CXXC5: variants seen among roughly 807,000 people sequenced by gnomAD.
The protein encoded by CXXC5 is CXXC finger protein 5, also known as CXXC-type zinc finger protein 5.
CXXC5 carries 2 observed loss-of-function variants against 17.6 expected under a neutral mutation model. The ratio of observed to expected loss-of-function variants is 0.11; its 90% CI spans 0.05 to 0.36. The LOEUF (loss-of-function observed/expected upper bound fraction) is 0.36. Among genes scored for constraint, CXXC5 ranks in the 10% least tolerant of loss-of-function variants. The probability of loss-of-function intolerance (pLI) is 1.00; values close to 1 mark genes in which losing one functional copy is unlikely to be tolerated. For synonymous variants in CXXC5, 171 were observed against 193.0 expected (o/e 0.89, Z 0.94); for missense variants, 343 against 458.3 (o/e 0.75, Z 2.30).
chr5:139,671,230 T>G (rs1756449454), intron 1 of CXXC5, among the ~76,000 whole-genome samples: 1 of 152,206 alleles, frequency 6.6e-6, no homozygotes, highest in East Asian at 1.9e-4. Flanking sequence ...ATGGGCTTGG[T>G]GGCTGCTGGC....
rs1236686110 is a variant in CXXC5 at position 139,668,485 on chromosome 5, CCAGGCCCGCTG to C, written c.-160-11877_-160-11867del. 6.6e-6 allele frequency among the ~76,000 whole-genome samples: 1 copy of C among 151,466 alleles called. No homozygotes were observed. Among genetic ancestry groups the C allele is most frequent in the Non-Finnish European group, 1.5e-5 (1 of 67,696 alleles). On this transcript the variant is annotated intron_variant, in intron 1 of 2. Transcript: ENST00000302517. This position sits in a 1 kb window ranked among gnomAD's most constrained non-coding sequence, Gnocchi z 4.1. ...CCTCCCGCGCCGCCCACTGCCCGCTCCAGGCCCGCTGCCCGCTCCAGGCCCGAGGTGATGGC... is the reference window on the plus strand; with the variant it reads ...CCTCCCGCGCCGCCCACTGCCCGCTCCCCGCTCCAGGCCCGAGGTGATGGC...
intron 1 of CXXC5, among the ~76,000 whole-genome samples, chr5:139,673,658 A>T (rs1561543560): frequency 2.6e-5 from 4 of 152,128 alleles, no homozygotes; most frequent in Admixed American, 2.6e-4. Flanking sequence ...CCTGACCAAC[A>T]TGGTGAAACT....
At chr5:139,651,866 T>TG (rs1053617055) in intron 1 of CXXC5, among the ~76,000 whole-genome samples, 16 of 152,010 alleles carry the variant, frequency 1.1e-4, no homozygotes, top group Non-Finnish European at 1.9e-4. Flanking sequence ...TGAACAAGAA[T>TG]GGGGGGGTTC....
At chr5:139,675,855 T>G (rs773074835) in intron 1 of CXXC5, among the ~76,000 whole-genome samples, 1 of 152,148 alleles carries the variant, frequency 6.6e-6, no homozygotes, top group East Asian at 1.9e-4. Flanking sequence ...TAAATGCTGG[T>G]TGATAGGATC....
intron 1 of CXXC5, among the ~76,000 whole-genome samples, chr5:139,673,427 C>T (rs1462145913): frequency 6.6e-6 from 1 of 152,174 alleles, no homozygotes; most frequent in African/African-American, 2.4e-5. Context: ...TCAGAGGCAT[C>T]CCAGGCATCT....
Position 139,680,550 on chromosome 5 carries a change from G to T in CXXC5, c.27G>T (p.Gln9His). Residue 9 changes from glutamine to histidine, a missense_variant, in exon 2 of 3, where the codon CAG becomes CAT. Physicochemically the swap from Gln to His is conservative, Grantham distance 24. Transcript: ENST00000302517. ...TGTCGAGCCTCGGCGGTGGCTCCCAGGATGCCGGCGGCAGTAGCAGCAGCA... is the reference window on the plus strand; with the variant it reads ...TGTCGAGCCTCGGCGGTGGCTCCCATGATGCCGGCGGCAGTAGCAGCAGCA... MSSLGGGS[Q>H]DAGGSSSSST... 1 of 1,572,238 alleles carries T rather than the reference G, an allele frequency of 6.4e-7. No individual in the cohort carries two copies. The highest frequency in any genetic ancestry group is 8.6e-7 in the Non-Finnish European group (1 of 1,159,924).
In CXXC5 at chr5:139,681,111, G is replaced by A; in HGVS notation, c.588G>A (p.Val196=). 1.9e-6 allele frequency: 3 copies of A among 1,612,710 alleles called. No homozygotes were observed. Among genetic ancestry groups the A allele is most frequent in the Non-Finnish European group, 1.7e-6 (2 of 1,179,958 alleles). The change falls in exon 2 of 3, where the codon GTG becomes GTA. Residue 196 remains valine, a synonymous_variant. Transcript: ENST00000302517. ...CTGGCCTGCCTGACATGGAGGCTGT[G>A]GCAGGTGCCGAAGCCCTCAATGGCC... is the stretch of plus-strand genomic sequence containing the variant. ...AGAGLPDMEA[V]AGAEALNGQS... is the part of the protein sequence containing the mutation.
chr5:139,649,602 T>C (rs542031183), intron 1 of CXXC5: 2 of 151,888 alleles, frequency 1.3e-5, no homozygotes, highest in South Asian at 4.2e-4. Context: ...TCCATCAAAG[T>C]ATCTCCCCCA....
At chr5:139,660,996 A>C (rs1020461835) in intron 1 of CXXC5, among the ~76,000 whole-genome samples, 4 of 152,132 alleles carry the variant, frequency 2.6e-5, no homozygotes, top group Non-Finnish European at 4.4e-5. Context: ...TCGATGAAAC[A>C]GGAACCCCGG....
At chr5:139,671,898 G>C (rs1380856602) in intron 1 of CXXC5, among the ~76,000 whole-genome samples, 1 of 152,192 alleles carries the variant, frequency 6.6e-6, no homozygotes, top group African/African-American at 2.4e-5. Flanking sequence ...CACAGACCTG[G>C]GTTTAAATCC....
chr5:139,665,966 C>T (rs1426608718), intron 1 of CXXC5, among the ~76,000 whole-genome samples: 1 of 152,276 alleles, frequency 6.6e-6, no homozygotes, highest in African/African-American at 2.4e-5. Context: ...ACCCCAGTGT[C>T]TCAAGTGCCC....
chr5:139,668,175 C>A lies in CXXC5; in HGVS notation c.-160-12189C>A, dbSNP rs1404495038. Among the ~76,000 whole-genome samples the A allele has an allele frequency of 2.0e-5, 3 of 152,186 alleles. No individual in the cohort carries two copies. Among genetic ancestry groups the A allele is most frequent in the Non-Finnish European group, 4.4e-5 (3 of 68,020 alleles). The stretch of plus-strand genomic sequence containing the variant: ...CCTCCGCCTCCCAGACCTCTGGGGC[C>A]ATGAATCATTTATGAGGCAAAAATG... On this transcript the variant is annotated intron_variant, in intron 1 of 2. Coordinates refer to ENST00000302517, the MANE Select transcript of CXXC5 (RefSeq NM_016463.9). The surrounding 1 kb of genome is among the most constrained non-coding windows in gnomAD (Gnocchi z 4.1).
At position 139,658,899 on chromosome 5, in the gene CXXC5, C is replaced by T. The variant is rs975117949; in HGVS notation, c.-161+10054C>T. 1.3e-5 allele frequency among the ~76,000 whole-genome samples: 2 copies of T among 152,186 alleles called. No individual in the cohort carries two copies. Among genetic ancestry groups the T allele is most frequent in the Admixed American group, 6.5e-5 (1 of 15,282 alleles). ...TGTCATCTAGAGCAGCCTAGCTGGG[C>T]GTTTGAACCCAGAACACTGAGAGAT... is the stretch of plus-strand genomic sequence containing the variant. On this transcript the variant is annotated intron_variant, in intron 1 of 2. Coordinates refer to ENST00000302517, the MANE Select transcript of CXXC5 (RefSeq NM_016463.9). The surrounding 1 kb of genome is among the most constrained non-coding windows in gnomAD (Gnocchi z 4.1).
At chr5:139,669,955 T>C (rs1243275879) in intron 1 of CXXC5, among the ~76,000 whole-genome samples, 1 of 152,248 alleles carries the variant, frequency 6.6e-6, no homozygotes, top group East Asian at 1.9e-4. Context: ...CCTCATGGGG[T>C]GGCTGCCTGT....
At chr5:139,654,999 T>TGGTG (rs1755409494) in intron 1 of CXXC5, among the ~76,000 whole-genome samples, 1 of 152,134 alleles carries the variant, frequency 6.6e-6, no homozygotes, top group African/African-American at 2.4e-5. Context: ...GGCTGATTTT[T>TGGTG]CCTGGGAAGG....
At chr5:139,656,052 C>T (rs1755481623) in intron 1 of CXXC5, among the ~76,000 whole-genome samples, 1 of 152,244 alleles carries the variant, frequency 6.6e-6, no homozygotes, top group Non-Finnish European at 1.5e-5. Flanking sequence ...CCAGCACTCC[C>T]TCCCTTGCCT....
At chr5:139,654,751 G>C (rs1445783175) in intron 1 of CXXC5, among the ~76,000 whole-genome samples, 1 of 152,186 alleles carries the variant, frequency 6.6e-6, no homozygotes, top group Non-Finnish European at 1.5e-5. Context: ...GCAGATGCTT[G>C]GCCTCAGTAT....
In CXXC5 at chr5:139,672,337, C is replaced by T. The variant is rs191714337; in HGVS notation, c.-160-8027C>T. Among the ~76,000 whole-genome samples the T allele has an allele frequency of 3.4e-3, 519 of 152,314 alleles. 3 individuals are homozygous for T. The highest frequency in any genetic ancestry group is 9.4e-3 in the Admixed American group (144 of 15,302). On this transcript the variant is annotated intron_variant, in intron 1 of 2. Coordinates refer to ENST00000302517, the MANE Select transcript of CXXC5 (RefSeq NM_016463.9). ...TTCTCCATGTTGGTCAGGCTGTTCT[C>T]GAACTCCCGACCTCAGGTGATCCAC...
intron 1 of CXXC5, among the ~76,000 whole-genome samples, chr5:139,664,297 A>T (rs916595203): frequency 3.3e-5 from 5 of 152,034 alleles, no homozygotes; most frequent in Non-Finnish European, 4.4e-5. Context: ...AGGCCTGTGG[A>T]AGCTGCCTCG....
Sources: allele counts gnomAD v4.1 joint callset (sites outside exome capture counted in the v4.1 genomes callset), GRCh38; gene constraint gnomAD v4.1.1; non-coding constraint Gnocchi (gnomAD v3.1); transcripts MANE v1.5; gene names NCBI Gene and HGNC (gene_info 2026-07-23, HGNC 2026-07-21).